Variants in KCNQ1 observed in about 807,000 individuals in gnomAD.
KCNQ1 encodes the protein potassium voltage-gated channel subfamily KQT member 1.
A neutral mutation model predicts 72.4 loss-of-function variants in KCNQ1; 49 were observed. The observed-to-expected ratio is 0.68, with a 90% CI of 0.54 to 0.86. The LOEUF (loss-of-function observed/expected upper bound fraction) is 0.86, where lower values mean the gene tolerates loss of function less well. Ranked by LOEUF, KCNQ1 falls within the 40% of genes least tolerant of loss-of-function variation. The probability of loss-of-function intolerance (pLI) is 0.00; values close to 1 mark genes in which losing one functional copy is unlikely to be tolerated. For synonymous variants in KCNQ1, 450 were observed against 412.6 expected (o/e 1.09, Z -1.10); for missense variants, 790 against 945.1 (o/e 0.84, Z 2.15).
In KCNQ1 at chr11:2,673,372, A is replaced by G; in HGVS notation, c.1514+11291A>G. On this transcript the variant is annotated intron_variant, in intron 11 of 15. Transcript: ENST00000155840. The surrounding 1 kb of genome is among the most constrained non-coding windows in gnomAD (Gnocchi z 4.5). ...AGCAAACAAAGGGAAGTGACAGAGC[A>G]GAGCTCCCCTTGGCCTTTGTTTAGC... is the stretch of plus-strand genomic sequence containing the variant. 2.5e-6 allele frequency: 1 copy of G among 398,726 alleles called. No individual in the cohort carries two copies. The highest frequency in any genetic ancestry group is 4.4e-6 in the Non-Finnish European group (1 of 226,096). The allele number at this position is 398,726 out of a possible 1,614,324, so 24.7% of individuals were successfully genotyped here. A position where few individuals can be genotyped will look rare whatever the true frequency, so the allele number is the denominator to read the frequency against.
rs1336341989 is a variant in KCNQ1, at chr11:2,537,942, C to T, written c.477+9924C>T. ...TGTTACCTAGGCTGGTCTTAAACTCCTGAGTTCAAACAATCCTCCCACCTC... is the reference window on the plus strand; with the variant it reads ...TGTTACCTAGGCTGGTCTTAAACTCTTGAGTTCAAACAATCCTCCCACCTC... On this transcript the variant is annotated intron_variant, in intron 2 of 15. Transcript: ENST00000155840. This position sits in a 1 kb window ranked among gnomAD's most constrained non-coding sequence, Gnocchi z 5.2. 1.3e-5 allele frequency among the ~76,000 whole-genome samples: 2 copies of T among 152,170 alleles called. No homozygotes were observed. Among genetic ancestry groups the T allele is most frequent in the African/African-American group, 4.8e-5 (2 of 41,426 alleles).
rs77451241 is a variant in KCNQ1 at position 2,564,067 on chromosome 11, G to C, written c.478-6561G>C. Among the ~76,000 whole-genome samples the C allele has an allele frequency of 6.6e-6, 1 of 152,198 alleles. No homozygotes were observed. The highest frequency in any genetic ancestry group is 2.4e-5 in the African/African-American group (1 of 41,430). Reference sequence around the variant, plus strand: ...CAACCGCCACGGGCCAGGGCCCCTCGAGGCACTCATTTCAGTATCAGAGAA... The same window carrying C: ...CAACCGCCACGGGCCAGGGCCCCTCCAGGCACTCATTTCAGTATCAGAGAA... On this transcript the variant is annotated intron_variant, in intron 2 of 15. Transcript: ENST00000155840. This position sits in a 1 kb window ranked among gnomAD's most constrained non-coding sequence, Gnocchi z 4.5.
In KCNQ1 at chr11:2,809,540, A is replaced by C. The variant is rs973779931; in HGVS notation, c.1794+31503A>C. On this transcript the variant is annotated intron_variant, in intron 15 of 15. Transcript: ENST00000155840. This position sits in a 1 kb window ranked among gnomAD's most constrained non-coding sequence, Gnocchi z 7.1. ...TGGTGCTGTGTATGAAGGTGGCAAC[A>C]GACTCCCCATAGTCCTCTCACCACA... Among the ~76,000 whole-genome samples, 1 of 152,274 alleles carries C rather than the reference A, an allele frequency of 6.6e-6. No homozygotes were observed. The highest frequency in any genetic ancestry group is 6.5e-5 in the Admixed American group (1 of 15,292).
rs1848844158 is a variant in KCNQ1, at chr11:2,603,993, T to C, written c.1393+15139T>C. ...GGCGTGAGCCACTGCACCCGGCCCT[T>C]GTGCTTCATTCTTTTATGAATGAAT... On this transcript the variant is annotated intron_variant, in intron 10 of 15. Transcript: ENST00000155840. This position sits in a 1 kb window ranked among gnomAD's most constrained non-coding sequence, Gnocchi z 4.1. Among the ~76,000 whole-genome samples the C allele has an allele frequency of 6.6e-6, 1 of 152,148 alleles. No homozygotes were observed. The highest frequency in any genetic ancestry group is 1.5e-5 in the Non-Finnish European group (1 of 68,026).
chr11:2,812,107 C>G (rs748504279), intron 15 of KCNQ1, among the ~76,000 whole-genome samples: 8 of 152,172 alleles, frequency 5.3e-5, no homozygotes, highest in Non-Finnish European at 5.9e-5. Context: ...CACCCATGCT[C>G]CCTGCACTGA....
In KCNQ1 at chr11:2,683,196, C is replaced by T; in HGVS notation, c.1514+21115C>T. 2.5e-6 allele frequency: 1 copy of T among 398,656 alleles called. No homozygotes were observed. Among genetic ancestry groups the T allele is most frequent in the East Asian group, 3.6e-5 (1 of 28,082 alleles). The allele number at this position is 398,656 out of a possible 1,614,324, so 24.7% of individuals were successfully genotyped here. ...TGCATTAAAAGGCTCCCACTGACAG[C>T]TCATGCATTGTGATGGAACTAGAGG... On this transcript the variant is annotated intron_variant, in intron 11 of 15. Coordinates refer to ENST00000155840, the MANE Select transcript of KCNQ1 (RefSeq NM_000218.3). The surrounding 1 kb of genome is among the most constrained non-coding windows in gnomAD (Gnocchi z 4.7).
At chr11:2,835,529 G>A (rs920486538) in intron 15 of KCNQ1, among the ~76,000 whole-genome samples, 2 of 152,204 alleles carry the variant, frequency 1.3e-5, no homozygotes, top group African/African-American at 4.8e-5. Flanking sequence ...CACCCTGCAA[G>A]TCTTTATTGA....
Position 2,772,703 on chromosome 11 carries a change from G to C in KCNQ1, c.1591-3257G>C, listed in dbSNP as rs1846622738. Among the ~76,000 whole-genome samples the C allele has an allele frequency of 6.6e-6, 1 of 152,176 alleles. No individual in the cohort carries two copies. The highest frequency in any genetic ancestry group is 6.5e-5 in the Admixed American group (1 of 15,276). The stretch of plus-strand genomic sequence containing the variant: ...CACCCAGCCCTGCTCCTGCAGACGT[G>C]CACACACTCAGGTACATAATACTTC... On this transcript the variant is annotated intron_variant, in intron 12 of 15. Transcript: ENST00000155840. This position sits in a 1 kb window ranked among gnomAD's most constrained non-coding sequence, Gnocchi z 6.6.
chr11:2,738,252 A>T (rs1845991836), intron 11 of KCNQ1, among the ~76,000 whole-genome samples: 1 of 141,740 alleles, frequency 7.1e-6, no homozygotes, highest in African/African-American at 2.7e-5. Context: ...GCCCAGGGGG[A>T]GGCAGGGTCT....
chr11:2,708,791 G>A (rs1430306131), intron 11 of KCNQ1, among the ~76,000 whole-genome samples: 1 of 152,132 alleles, frequency 6.6e-6, no homozygotes, highest in East Asian at 1.9e-4. Context: ...CTTGGGACAT[G>A]TCAATAGCAG....
chr11:2,625,851 G>A (rs1351163422), intron 10 of KCNQ1: 1 of 398,454 alleles, frequency 2.5e-6, no homozygotes. Flanking sequence ...TTACAGGCGT[G>A]AGCCACCGTG....
chr11:2,758,784 A>T (rs1012992649), intron 11 of KCNQ1, among the ~76,000 whole-genome samples: 2 of 152,198 alleles, frequency 1.3e-5, no homozygotes, highest in African/African-American at 4.8e-5. Context: ...CTGAGGAGAA[A>T]AAGCCTCCCC....
Position 2,612,298 on chromosome 11 carries a change from T to G in KCNQ1, c.1393+23444T>G. On this transcript the variant is annotated intron_variant, in intron 10 of 15. Coordinates refer to ENST00000155840, the MANE Select transcript of KCNQ1 (RefSeq NM_000218.3). The surrounding 1 kb of genome is among the most constrained non-coding windows in gnomAD (Gnocchi z 5.5). ...CATGTGAGGGATCTAGGTTGTGCAC[T>G]CCGTATGAGAATCTAACTAAAGCCT... The G allele has an allele frequency of 5.0e-6, 2 of 398,636 alleles. No individual in the cohort carries two copies. The highest frequency in any genetic ancestry group is 8.8e-6 in the Non-Finnish European group (2 of 226,072). The allele number at this position is 398,636 out of a possible 1,614,324, so 24.7% of individuals were successfully genotyped here. A position where few individuals can be genotyped will look rare whatever the true frequency, so the allele number is the denominator to read the frequency against.
At position 2,601,173 on chromosome 11, in the gene KCNQ1, T is replaced by G. The variant is rs1848802377; in HGVS notation, c.1393+12319T>G. On this transcript the variant is annotated intron_variant, in intron 10 of 15. Coordinates refer to ENST00000155840, the MANE Select transcript of KCNQ1 (RefSeq NM_000218.3). The surrounding 1 kb of genome is among the most constrained non-coding windows in gnomAD (Gnocchi z 5.2). ...GTTGCAAAAATGATCATTTTCCAAC[T>G]CTAGCACCCCTTCCACGAAAGTACA... 1.3e-5 allele frequency among the ~76,000 whole-genome samples: 2 copies of G among 152,064 alleles called. No homozygotes were observed. Among genetic ancestry groups the G allele is most frequent in the East Asian group, 1.9e-4 (1 of 5,176 alleles).
Position 2,785,790 on chromosome 11 carries a change from A to T in KCNQ1, c.1794+7753A>T, listed in dbSNP as rs1212869958. On this transcript the variant is annotated intron_variant, in intron 15 of 15. Coordinates refer to ENST00000155840, the MANE Select transcript of KCNQ1 (RefSeq NM_000218.3). The surrounding 1 kb of genome is among the most constrained non-coding windows in gnomAD (Gnocchi z 4.4). ...TTTTCTCTCTACTGGTTTTGAAGTT[A>T]TGTATTCTACTACCATCCTTGGAAA... Among the ~76,000 whole-genome samples, 1 of 151,996 alleles carries T rather than the reference A, an allele frequency of 6.6e-6. No individual in the cohort carries two copies. Among genetic ancestry groups the T allele is most frequent in the Admixed American group, 6.6e-5 (1 of 15,264 alleles).
intron 11 of KCNQ1, among the ~76,000 whole-genome samples, chr11:2,743,767 T>A (rs1326300606): frequency 3.9e-5 from 6 of 152,216 alleles, no homozygotes; most frequent in African/African-American, 1.4e-4. Context: ...CCTTTGAGCC[T>A]AAAAGGAGTT....
rs765645573 is a variant in KCNQ1 at position 2,588,724 on chromosome 11, A to G, written c.1263A>G (p.Lys421=). 1.9e-6 allele frequency: 3 copies of G among 1,613,554 alleles called. No homozygotes were observed. In the African/African-American group the frequency reaches 4.0e-5, roughly 22 times the overall value. The part of the protein sequence containing the change: ...KPKKSVVVKK[K]KFKLDKDNGV... ...CTTGTTTTTTTTAGGTAAAGAAAAA[A>G]AAGTTCAAGCTGGACAAAGACAATG... Residue 421 remains lysine, a synonymous_variant, in exon 10 of 16, where the codon AAA becomes AAG. Coordinates refer to ENST00000155840, the MANE Select transcript of KCNQ1 (RefSeq NM_000218.3). The surrounding 1 kb of genome is among the most constrained non-coding windows in gnomAD (Gnocchi z 5.6).
chr11:2,838,700 G>C (rs1189011625), intron 15 of KCNQ1, among the ~76,000 whole-genome samples: 1 of 152,176 alleles, frequency 6.6e-6, no homozygotes, highest in Non-Finnish European at 1.5e-5. Context: ...AATGACACGA[G>C]AACGGCCAGG....
intron 15 of KCNQ1, among the ~76,000 whole-genome samples, chr11:2,831,289 A>G (rs1847943309): frequency 6.6e-6 from 1 of 152,132 alleles, no homozygotes. Flanking sequence ...TTGGGCCATG[A>G]GAAGAAGTAT....
Sources: allele counts gnomAD v4.1 joint callset (sites outside exome capture counted in the v4.1 genomes callset), GRCh38; gene constraint gnomAD v4.1.1; non-coding constraint Gnocchi (gnomAD v3.1); transcripts MANE v1.5; gene names NCBI Gene and HGNC (gene_info 2026-07-23, HGNC 2026-07-21).